The following PIR variants were observed in gnomAD, a reference collection of about 807,000 sequenced individuals.
The protein encoded by PIR is pirin.
In PIR, 22 loss-of-function variants were observed where a neutral mutation model predicts 24.2. The observed-to-expected ratio is 0.91, with a 90% CI of 0.65 to 1.30. The LOEUF is 1.30. PIR is among the 50% of genes most tolerant of loss of function. PIR has a pLI of 0.00. For synonymous variants in PIR, 80 were observed against 79.6 expected (o/e 1.00, Z -0.03); for missense variants, 220 against 220.3 (o/e 1.00, Z 0.01).
At chrX:15,393,580 C>T (rs1422381068) in intron 8 of PIR, among the ~76,000 whole-genome samples, 3 of 110,376 alleles carry the variant, frequency 2.7e-5, no homozygotes, top group East Asian at 5.7e-4. Context: ...CCCCACTGCT[C>T]GAATTACCAC....
intron 8 of PIR, 94 bp from the exon 9 acceptor site, chrX:15,390,345 G>T: frequency 2.1e-6 from 1 of 486,670 alleles, no homozygotes; most frequent in Non-Finnish European, 3.5e-6. Flanking sequence ...AGCCAAATAG[G>T]CGATGTTCCT....
chrX:15,385,246 T>G (rs2146994104), intron 9 of PIR, 130 bp from the exon 10 acceptor site: 1 of 389,176 alleles, frequency 2.6e-6, no homozygotes, highest in Non-Finnish European at 4.4e-6. Context: ...AAAAGTTTAT[T>G]TTCACAGTGT....
chrX:15,444,560 G>T, intron 5 of PIR, among the ~76,000 whole-genome samples: 1 of 111,281 alleles, frequency 9.0e-6, no homozygotes, highest in Admixed American at 9.6e-5. Flanking sequence ...CCCTACATTT[G>T]ACTTCCACTG....
intron 2 of PIR, among the ~76,000 whole-genome samples, chrX:15,489,072 C>A (rs1362832466): frequency 9.0e-6 from 1 of 111,701 alleles, no homozygotes; most frequent in Non-Finnish European, 1.9e-5. Context: ...GTCAATGCAC[C>A]ACAGTAAATT....
chrX:15,420,459 G>A (rs991090214), intron 6 of PIR, among the ~76,000 whole-genome samples: 1 of 111,204 alleles, frequency 9.0e-6, no homozygotes, highest in Non-Finnish European at 1.9e-5. Flanking sequence ...TCTTTGGATT[G>A]CAACCTGACA....
chrX:15,389,992 A>T (rs41309705), intron 9 of PIR, 193 bp downstream of exon 9: 49,485 of 259,705 alleles, frequency 0.19, 3,887 homozygotes, highest in East Asian at 0.39. Context: ...ATGTTTCTTT[A>T]AAAAAAAAGA....
chrX:15,475,619 C>T (rs1922150374), intron 3 of PIR, among the ~76,000 whole-genome samples: 1 of 112,013 alleles, frequency 8.9e-6, no homozygotes, highest in Non-Finnish European at 1.9e-5. Context: ...GGTTCATCAA[C>T]GGAGTCCGAT....
chrX:15,488,766 T>C (rs1472351820), intron 2 of PIR, among the ~76,000 whole-genome samples: 3 of 111,680 alleles, frequency 2.7e-5, no homozygotes, highest in Non-Finnish European at 5.7e-5. Flanking sequence ...GAGATCTGAA[T>C]CAGTAAAATA....
intron 9 of PIR, among the ~76,000 whole-genome samples, chrX:15,389,165 A>G (rs1253334917): frequency 8.9e-6 from 1 of 112,289 alleles, no homozygotes; most frequent in Admixed American, 9.5e-5. Flanking sequence ...CTAGGAATAA[A>G]GATTATGACC....
intron 5 of PIR, among the ~76,000 whole-genome samples, chrX:15,443,505 T>A (rs1925988272): frequency 9.0e-6 from 1 of 111,521 alleles, no homozygotes; most frequent in Non-Finnish European, 1.9e-5. Context: ...TATTAACAAT[T>A]AATATTCAAT....
At chrX:15,442,984 G>A (rs963818925) in intron 5 of PIR, among the ~76,000 whole-genome samples, 1 of 112,585 alleles carries the variant, frequency 8.9e-6, no homozygotes, top group African/African-American at 3.2e-5. Context: ...GATTTTCAAT[G>A]TAGATGAAAC....
chrX:15,441,320 G>A (rs1486986370), intron 5 of PIR, among the ~76,000 whole-genome samples: 1 of 111,442 alleles, frequency 9.0e-6, no homozygotes, highest in Non-Finnish European at 1.9e-5. Flanking sequence ...TGATAGGAGA[G>A]GTTTATGTTC....
intron 5 of PIR, among the ~76,000 whole-genome samples, chrX:15,452,455 G>A (rs1421837753): frequency 9.0e-6 from 1 of 111,551 alleles, no homozygotes; most frequent in Non-Finnish European, 1.9e-5. Context: ...TACAACCTGG[G>A]AAACAGGCAT....
At chrX:15,470,658 A>G (rs1297264716) in intron 3 of PIR, among the ~76,000 whole-genome samples, 1 of 97,622 alleles carries the variant, frequency 1.0e-5, no homozygotes, top group Non-Finnish European at 2.0e-5. Context: ...CTGGAGTGCA[A>G]TGGTGTGATC....
chrX:15,458,912 T>C (rs1011235735), intron 4 of PIR, among the ~76,000 whole-genome samples: 3 of 112,788 alleles, frequency 2.7e-5, no homozygotes, highest in Admixed American at 1.9e-4. Context: ...GAGGTTACTA[T>C]TGACTTTTTG....
At chrX:15,445,918 C>T (rs1347087348) in intron 5 of PIR, among the ~76,000 whole-genome samples, 1 of 102,239 alleles carries the variant, frequency 9.8e-6, no homozygotes, top group African/African-American at 3.6e-5. Context: ...CAAGCTCCGC[C>T]TCCCGGGTTC....
Position 15,455,999 on chromosome X carries a change from G to A in PIR, c.329C>T (p.Pro110Leu), listed in dbSNP as rs1474215131. The change falls in exon 5 of 10, where the codon CCA becomes CTA. Residue 110 changes from proline (P) to leucine (L), a missense_variant. Coordinates refer to ENST00000380420, the MANE Select transcript of PIR (RefSeq NM_001018109.3). ...AACCCACAGTTGTAGGCCATGGGCT[G>A]GCTCCTCTGAGCAAGGCATCTCAGC... Reference protein sequence around the residue: ...LHAEMPCSEEPAHGLQLWVNL... With the variant: ...LHAEMPCSEELAHGLQLWVNL... The A allele has an allele frequency of 8.3e-7, 1 of 1,209,670 alleles. No homozygotes were observed. Among genetic ancestry groups the A allele is most frequent in the Non-Finnish European group, 1.1e-6 (1 of 894,837 alleles).
chrX:15,388,842 A>G (rs764395207), intron 9 of PIR, among the ~76,000 whole-genome samples: 5 of 112,354 alleles, frequency 4.5e-5, no homozygotes, highest in African/African-American at 6.5e-5. Flanking sequence ...GAAAAACTTA[A>G]ATGTCTGAGT....
intron 5 of PIR, among the ~76,000 whole-genome samples, chrX:15,437,070 T>C (rs1326735682): frequency 8.9e-6 from 1 of 112,242 alleles, no homozygotes; most frequent in Non-Finnish European, 1.9e-5. Flanking sequence ...AGCAAACTTA[T>C]GCATCAGGGC....
Sources: allele counts gnomAD v4.1 joint callset (sites outside exome capture counted in the v4.1 genomes callset), GRCh38; gene constraint gnomAD v4.1.1; transcripts MANE v1.5; gene names NCBI Gene and HGNC (gene_info 2026-07-23, HGNC 2026-07-21).